Variants in ZNF385B observed in about 807,000 individuals in gnomAD.
ZNF385B encodes the protein zinc finger protein 385B.
A neutral mutation model predicts 39.2 loss-of-function variants in ZNF385B; 23 were observed. The ratio of observed to expected loss-of-function variants is 0.59; its 90% CI spans 0.42 to 0.83. The LOEUF (loss-of-function observed/expected upper bound fraction) is 0.83. Ranked by LOEUF, ZNF385B falls within the 40% of genes least tolerant of loss-of-function variation. ZNF385B has a pLI of 0.00. For synonymous variants in ZNF385B, 205 were observed against 222.6 expected (o/e 0.92, Z 0.70); for missense variants, 552 against 598.9 (o/e 0.92, Z 0.82).
intron 3 of ZNF385B, among the ~76,000 whole-genome samples, chr2:179,757,414 C>A (rs538942746): frequency 6.6e-6 from 1 of 152,062 alleles, no homozygotes; most frequent in Admixed American, 6.6e-5. Context: ...GGGTCAGGGA[C>A]CCACTTGAGG....
intron 3 of ZNF385B, among the ~76,000 whole-genome samples, chr2:179,627,929 T>C (rs1224938101): frequency 1.3e-5 from 2 of 152,176 alleles, no homozygotes; most frequent in Non-Finnish European, 2.9e-5. Flanking sequence ...GATATTTTAG[T>C]TATCTAAAAG....
At chr2:179,798,423 AT>A (rs1705816559) in intron 1 of ZNF385B, among the ~76,000 whole-genome samples, 1 of 152,084 alleles carries the variant, frequency 6.6e-6, no homozygotes, top group Non-Finnish European at 1.5e-5. Context: ...GCTAGAAAAT[AT>A]TTTTTAAATA....
At chr2:179,676,660 C>T (rs1476205896) in intron 3 of ZNF385B, among the ~76,000 whole-genome samples, 1 of 152,182 alleles carries the variant, frequency 6.6e-6, no homozygotes, top group Non-Finnish European at 1.5e-5. Flanking sequence ...TGAGAGATGA[C>T]AGTAGCCTGG....
chr2:179,491,710 T>C (rs1388329814), intron 5 of ZNF385B, among the ~76,000 whole-genome samples: 1 of 152,184 alleles, frequency 6.6e-6, no homozygotes, highest in Non-Finnish European at 1.5e-5. Flanking sequence ...CTTATTTATT[T>C]ATTTTAGAGA....
chr2:179,722,488 G>C (rs535522403), intron 3 of ZNF385B, among the ~76,000 whole-genome samples: 1 of 152,110 alleles, frequency 6.6e-6, no homozygotes, highest in Non-Finnish European at 1.5e-5. Flanking sequence ...AAAGCCAGAG[G>C]GGAAGAAGAA....
chr2:179,779,544 A>G (rs1704543762), intron 1 of ZNF385B, among the ~76,000 whole-genome samples: 1 of 152,252 alleles, frequency 6.6e-6, no homozygotes, highest in South Asian at 2.1e-4. Context: ...CAGGGTGCAG[A>G]GTAGAGAGGG....
At chr2:179,546,504 C>T (rs1262859457) in intron 3 of ZNF385B, among the ~76,000 whole-genome samples, 1 of 152,196 alleles carries the variant, frequency 6.6e-6, no homozygotes, top group Non-Finnish European at 1.5e-5. Flanking sequence ...GCTTATTTCA[C>T]TTAACATAAC....
At chr2:179,731,089 CA>C (rs1270464879) in intron 3 of ZNF385B, among the ~76,000 whole-genome samples, 2 of 152,174 alleles carry the variant, frequency 1.3e-5, no homozygotes, top group African/African-American at 4.8e-5. Context: ...AATATGTATA[CA>C]TTTGGTTTCA....
intron 1 of ZNF385B, chr2:179,814,466 G>A: frequency 1.9e-6 from 1 of 525,818 alleles, no homozygotes; most frequent in Non-Finnish European, 3.6e-6. Flanking sequence ...TCAACAAAAT[G>A]TATGAGTTAT....
intron 3 of ZNF385B, among the ~76,000 whole-genome samples, chr2:179,653,216 T>C (rs1693373629): frequency 6.6e-6 from 1 of 152,132 alleles, no homozygotes; most frequent in Non-Finnish European, 1.5e-5. Flanking sequence ...TCAAAAAGCA[T>C]ATCAAAATGC....
At chr2:179,762,735 T>C (rs143935054) in intron 3 of ZNF385B, among the ~76,000 whole-genome samples, 38 of 152,312 alleles carry the variant, frequency 2.5e-4, no homozygotes, top group African/African-American at 8.9e-4. Context: ...TTTCCTCTTC[T>C]TCTATTTTCT....
intron 3 of ZNF385B, among the ~76,000 whole-genome samples, chr2:179,726,794 T>A (rs942908103): frequency 6.6e-6 from 1 of 152,090 alleles, no homozygotes; most frequent in African/African-American, 2.4e-5. Context: ...TACACATCTA[T>A]AGACATCATC....
Position 179,785,643 on chromosome 2 carries a change from G to A in ZNF385B, c.-154-14971C>T, listed in dbSNP as rs114788333. 6.2e-3 allele frequency among the ~76,000 whole-genome samples: 944 copies of A among 152,156 alleles called. 9 individuals carry two copies. Among genetic ancestry groups the A allele is most frequent in the South Asian group, 0.011 (55 of 4,820 alleles). ...TGGAGGAAGTAACTGCAGGCGTGAC[G>A]GAAATAGCAAGAGAAGTAGAATTAG... On this transcript the variant is annotated intron_variant, in intron 1 of 9. Coordinates refer to ENST00000410066, the MANE Select transcript of ZNF385B (RefSeq NM_152520.6).
chr2:179,493,466 T>C (rs1012591376), intron 5 of ZNF385B, among the ~76,000 whole-genome samples: 3 of 115,342 alleles, frequency 2.6e-5, no homozygotes, highest in African/African-American at 9.3e-5. Flanking sequence ...TGTGTACATA[T>C]ATGCATGTGT....
intron 5 of ZNF385B, among the ~76,000 whole-genome samples, chr2:179,500,850 G>A (rs536575043): frequency 6.6e-6 from 1 of 152,158 alleles, no homozygotes; most frequent in African/African-American, 2.4e-5. Context: ...TATCTGACAA[G>A]GGATTAATAA....
chr2:179,591,893 G>A (rs1028049757), intron 3 of ZNF385B, among the ~76,000 whole-genome samples: 7 of 152,042 alleles, frequency 4.6e-5, no homozygotes, highest in Admixed American at 1.3e-4. Flanking sequence ...GGATCCTTCC[G>A]CCCCAGTGAC....
intron 5 of ZNF385B, among the ~76,000 whole-genome samples, chr2:179,508,985 C>T (rs1024981391): frequency 1.4e-5 from 2 of 146,838 alleles, no homozygotes; most frequent in Admixed American, 6.8e-5. Flanking sequence ...CTCGCTCTGT[C>T]GCTCAGGCTG....
intron 3 of ZNF385B, among the ~76,000 whole-genome samples, chr2:179,651,056 A>C (rs1693152984): frequency 2.0e-5 from 3 of 152,182 alleles, no homozygotes; most frequent in Admixed American, 2.0e-4. Flanking sequence ...ACTTACCTTA[A>C]CTGCATAATG....
At chr2:179,842,259 C>T (rs1708574856) in intron 1 of ZNF385B, among the ~76,000 whole-genome samples, 1 of 152,122 alleles carries the variant, frequency 6.6e-6, no homozygotes, top group African/African-American at 2.4e-5. Flanking sequence ...AACTAAACTT[C>T]TGCCATCAGA....
Sources: allele counts gnomAD v4.1 joint callset (sites outside exome capture counted in the v4.1 genomes callset), GRCh38; gene constraint gnomAD v4.1.1; transcripts MANE v1.5; gene names NCBI Gene and HGNC (gene_info 2026-07-23, HGNC 2026-07-21).